The following TRIP11 variants were observed in gnomAD, a reference collection of about 807,000 sequenced individuals.
TRIP11 encodes the protein thyroid receptor-interacting protein 11.
In TRIP11, 148 loss-of-function variants were observed where a neutral mutation model predicts 223.1. That is an observed-to-expected ratio of 0.66 (90% CI 0.58 to 0.76). The LOEUF (loss-of-function observed/expected upper bound fraction) is 0.76. Among genes scored for constraint, TRIP11 ranks in the 30% least tolerant of loss-of-function variants. The probability of loss-of-function intolerance (pLI) is 0.00; values close to 1 mark genes in which losing one functional copy is unlikely to be tolerated. For synonymous variants in TRIP11, 762 were observed against 772.6 expected, an observed-to-expected ratio of 0.99 and a Z score of 0.23; for missense variants, 2,043 against 2,222.0, an observed-to-expected ratio of 0.92 and a Z score of 1.62.
In TRIP11 at chr14:92,025,386, T is replaced by G; in HGVS notation, c.236A>C (p.Glu79Ala). Residue 79 changes from glutamate to alanine, a missense_variant, in exon 3 of 21, where the codon GAA (glutamate) becomes GCA (alanine). Glu to Ala is a moderately radical substitution (Grantham distance 107). Transcript: ENST00000267622. ...AATCTCTGATGCTTCATGTTTCTCT[T>G]CTAGATCAGTACAAAGTTTCTTAAG... ...ERLKKLCTDL[E>A]EKHEASEIQI... is the part of the protein sequence containing the mutation. The G allele has an allele frequency of 6.2e-7, 1 of 1,613,382 alleles. No homozygotes were observed. The highest frequency in any genetic ancestry group is 8.5e-7 in the Non-Finnish European group (1 of 1,179,922).
rs764257313 is a variant in TRIP11 at position 91,975,258 on chromosome 14, G to A, written c.5371C>T (p.His1791Tyr). 134 of 1,613,322 alleles carry A rather than the reference G, an allele frequency of 8.3e-5. No individual in the cohort carries two copies. Among genetic ancestry groups the A allele is most frequent in the Non-Finnish European group, 1.1e-4 (126 of 1,179,630 alleles). Residue 1791 changes from histidine (H) to tyrosine (Y), a missense_variant, in exon 18 of 21, where the codon CAT becomes TAT. Physicochemically the swap from His to Tyr is moderately conservative, Grantham distance 83. Transcript: ENST00000267622. ...CGCTGATTTTTCGGTGTGTGGAAAT[G>A]ACCAATGAAGAGGTTTCTCATTAGG... ...KVLMRNLFIG[H>Y]FHTPKNQRHE...
intron 4 of TRIP11, among the ~76,000 whole-genome samples, chr14:92,019,164 ACT>A (rs2057078240): frequency 6.6e-6 from 1 of 152,120 alleles, no homozygotes; most frequent in Admixed American, 6.6e-5. Flanking sequence ...GCCTTTTTCA[ACT>A]TTATAGTCTA....
At chr14:91,973,947 G>A (rs1175335146) in intron 19 of TRIP11, among the ~76,000 whole-genome samples, 1 of 152,234 alleles carries the variant, frequency 6.6e-6, no homozygotes, top group Non-Finnish European at 1.5e-5. Flanking sequence ...AGAACTGCCT[G>A]AACCCAGGAG....
At chr14:91,991,516 A>G (rs77594418) in intron 15 of TRIP11, among the ~76,000 whole-genome samples, 3,097 of 152,328 alleles carry the variant, frequency 0.02, 108 homozygotes, top group African/African-American at 0.07. Flanking sequence ...TGCTAGTGGG[A>G]GTAAATTAGC....
intron 5 of TRIP11, among the ~76,000 whole-genome samples, chr14:92,017,090 T>C (rs982887401): frequency 6.6e-6 from 1 of 152,118 alleles, no homozygotes; most frequent in Non-Finnish European, 1.5e-5. Context: ...TCAGCAACCC[T>C]GCAATTAGGT....
chr14:91,979,026 G>A (rs1402151290), intron 16 of TRIP11, among the ~76,000 whole-genome samples: 1 of 152,096 alleles, frequency 6.6e-6, no homozygotes, highest in East Asian at 1.9e-4. Flanking sequence ...CGAGGCCGAG[G>A]TAAGCATATT....
At chr14:92,015,917 T>C in intron 5 of TRIP11, 56 bp from the exon 6 acceptor site, 1 of 1,462,878 alleles carries the variant, frequency 6.8e-7, no homozygotes, top group Non-Finnish European at 9.3e-7. Context: ...TTATGTAAGC[T>C]ATATATTTAA....
chr14:92,005,812 C>T lies in TRIP11; in HGVS notation c.2164G>A (p.Glu722Lys). The T allele has an allele frequency of 6.2e-7, 1 of 1,614,044 alleles. No individual in the cohort carries two copies. The highest frequency in any genetic ancestry group is 8.5e-7 in the Non-Finnish European group (1 of 1,180,002). ...ETLKMEKGEI[E>K]AELCWAKKRL... is the part of the protein sequence containing the mutation. ...TTTTTAGCCCAACACAATTCTGCCT[C>T]TATCTCTCCTTTTTCCATTTTTAGA... Residue 722 changes from glutamate to lysine, a missense_variant, in exon 11 of 21, where the codon GAG becomes AAG. Coordinates refer to ENST00000267622, the MANE Select transcript of TRIP11 (RefSeq NM_004239.4).
intron 4 of TRIP11, among the ~76,000 whole-genome samples, chr14:92,021,244 C>G (rs989690293): frequency 6.6e-6 from 1 of 151,704 alleles, no homozygotes; most frequent in African/African-American, 2.4e-5. Flanking sequence ...GATACAAAAA[C>G]TAGGCATAGT....
At chr14:91,993,147 G>A (rs1435192215) in intron 15 of TRIP11, among the ~76,000 whole-genome samples, 2 of 151,436 alleles carry the variant, frequency 1.3e-5, no homozygotes, top group Non-Finnish European at 2.9e-5. Flanking sequence ...TGAAATGAGT[G>A]CTCACAGAGG....
At chr14:92,020,735 G>A (rs1345127425) in intron 4 of TRIP11, among the ~76,000 whole-genome samples, 1 of 151,572 alleles carries the variant, frequency 6.6e-6, no homozygotes, top group African/African-American at 2.4e-5. Flanking sequence ...GGGAAACTCA[G>A]ACTAGGAGAG....
rs560250887 is a variant in TRIP11, at chr14:91,993,924, A to G, written c.5057-12T>C. 5 of 1,600,924 alleles carry G rather than the reference A, an allele frequency of 3.1e-6. No individual in the cohort carries two copies. The highest frequency in any genetic ancestry group is 2.7e-5 in the African/African-American group (2 of 74,796). On this transcript the variant is annotated splice_polypyrimidine_tract_variant and intron_variant, in intron 14 of 20. Coordinates refer to ENST00000267622, the MANE Select transcript of TRIP11 (RefSeq NM_004239.4). ...CATAGCTTTTTCCTCTAAAGAGAAA[A>G]GAAAGTTAACATTAGTATTTTGCAA...
chr14:91,974,956 C>G (rs889956005), intron 18 of TRIP11, among the ~76,000 whole-genome samples: 4 of 152,210 alleles, frequency 2.6e-5, no homozygotes, highest in Admixed American at 2.0e-4. Context: ...AACATTTCAG[C>G]ATCCTGATAT....
chr14:92,004,956 C>A lies in TRIP11; in HGVS notation c.3020G>T (p.Gly1007Val). The A allele has an allele frequency of 6.2e-7, 1 of 1,613,838 alleles. No individual in the cohort carries two copies. The highest frequency in any genetic ancestry group is 8.5e-7 in the Non-Finnish European group (1 of 1,179,974). ...TTTAGATAAATCATGCTTTTCACTT[C>A]CATTTTCTATATTAAGGCTCTGAAC... The part of the protein sequence containing the change: ...TKVQSLNIEN[G>V]SEKHDLSKAE... Residue 1007 changes from glycine to valine, a missense_variant, in exon 11 of 21, where the codon GGA becomes GTA. Physicochemically the swap from Gly to Val is moderately radical, Grantham distance 109. Transcript: ENST00000267622.
At chr14:91,988,465 C>T (rs2056630904) in intron 15 of TRIP11, 82 bp from the exon 16 acceptor site, 2 of 1,223,762 alleles carry the variant, frequency 1.6e-6, no homozygotes, top group Non-Finnish European at 1.2e-6. Flanking sequence ...TTAGAGTCAA[C>T]CTCTACATTT....
intron 2 of TRIP11, among the ~76,000 whole-genome samples, chr14:92,030,271 T>C (rs1446970723): frequency 6.6e-6 from 1 of 151,560 alleles, no homozygotes; most frequent in Non-Finnish European, 1.5e-5. Flanking sequence ...AAAAGAAATA[T>C]GGCTTTCAGA....
rs756657153 is a variant in TRIP11, at chr14:92,004,108, G to T, written c.3868C>A (p.Gln1290Lys). ...KLKNFGQELA[Q>K]VQHSIGQLCN... Reference sequence around the variant, plus strand: ...AGCTGCCCAATGCTGTGCTGAACTTGTGCTAATTCCTGCCCAAAATTTTTG... The same window carrying T: ...AGCTGCCCAATGCTGTGCTGAACTTTTGCTAATTCCTGCCCAAAATTTTTG... Residue 1290 changes from glutamine to lysine, a missense_variant, in exon 11 of 21, where the codon CAA (glutamine) becomes AAA (lysine). Gln to Lys is a moderately conservative substitution (Grantham distance 53). Coordinates refer to ENST00000267622, the MANE Select transcript of TRIP11 (RefSeq NM_004239.4). The T allele has an allele frequency of 4.3e-5, 70 of 1,614,038 alleles. No homozygotes were observed. The highest frequency in any genetic ancestry group is 5.7e-5 in the Non-Finnish European group (67 of 1,180,038).
chr14:92,032,758 A>T (rs1171178604), intron 2 of TRIP11, among the ~76,000 whole-genome samples: 1 of 151,160 alleles, frequency 6.6e-6, no homozygotes, highest in Non-Finnish European at 1.5e-5. Context: ...GCTTGAACCC[A>T]GGAGGTGGAG....
chr14:92,032,340 G>A (rs145339386), intron 2 of TRIP11, among the ~76,000 whole-genome samples: 3,490 of 151,584 alleles, frequency 0.023, 130 homozygotes, highest in African/African-American at 0.072. Flanking sequence ...AGTTAGAGAT[G>A]GGGTTTCACC....
Sources: gnomAD v4.1 joint callset for allele counts (sites outside exome capture counted in the v4.1 genomes callset) on GRCh38, gnomAD v4.1.1 for gene constraint, MANE v1.5 for transcripts, NCBI Gene and HGNC (gene_info 2026-07-23, HGNC 2026-07-21) for gene names.